CCL28: variants seen among roughly 807,000 people sequenced by gnomAD.
CCL28 encodes the protein C-C motif chemokine 28.
CCL28 carries 4 observed loss-of-function variants against 7.1 expected under a neutral mutation model. The observed-to-expected ratio is 0.56, with a 90% CI of 0.28 to 1.29. The LOEUF (loss-of-function observed/expected upper bound fraction) is 1.29, where lower values mean the gene tolerates loss of function less well. Ranked by LOEUF, CCL28 falls within the 50% of genes most tolerant of loss-of-function variation. The pLI is 0.11. For synonymous variants in CCL28, 55 were observed against 57.8 expected, an observed-to-expected ratio of 0.95 and a Z score of 0.22; for missense variants, 151 against 163.4, an observed-to-expected ratio of 0.92 and a Z score of 0.41.
intron 1 of CCL28, among the ~76,000 whole-genome samples, chr5:43,389,195 T>G (rs1441802130): frequency 6.6e-6 from 1 of 152,198 alleles, no homozygotes; most frequent in Admixed American, 6.5e-5. Flanking sequence ...TTTGGAGTGA[T>G]GAAAATGTGC....
chr5:43,401,945 A>G (rs1741055647), intron 1 of CCL28, among the ~76,000 whole-genome samples: 1 of 152,162 alleles, frequency 6.6e-6, no homozygotes, highest in South Asian at 2.1e-4. Context: ...TTCTCTCATC[A>G]GGTTCCTGTA....
In CCL28 at chr5:43,381,694, A is replaced by G; in HGVS notation, c.*166T>C. 4.9e-6 allele frequency: 3 copies of G among 606,268 alleles called. No homozygotes were observed. Among genetic ancestry groups the G allele is most frequent in the East Asian group, 2.8e-5 (1 of 36,010 alleles). The allele number at this position is 606,268 out of a possible 1,614,324, so 37.6% of individuals were successfully genotyped here. On this transcript the variant is annotated 3_prime_UTR_variant, in exon 3 of 3. Coordinates refer to ENST00000361115, the MANE Select transcript of CCL28 (RefSeq NM_148672.3). Reference sequence around the variant, plus strand: ...TTTTCATTTCATTTTCCAGTTGAGTATATTATTGGCTACATTTGCATACCG... The same window carrying G: ...TTTTCATTTCATTTTCCAGTTGAGTGTATTATTGGCTACATTTGCATACCG...
rs575580770 is a variant in CCL28 at position 43,409,938 on chromosome 5, C to A, written c.64+2315G>T. ...AGTGTGCCCTACCTTTGGGCAGAATCCAAGGCTTTTAATTATAGATAAAGT... is the reference window on the plus strand; with the variant it reads ...AGTGTGCCCTACCTTTGGGCAGAATACAAGGCTTTTAATTATAGATAAAGT... On this transcript the variant is annotated intron_variant, in intron 1 of 2. Coordinates refer to ENST00000361115, the MANE Select transcript of CCL28 (RefSeq NM_148672.3). 2.0e-5 allele frequency among the ~76,000 whole-genome samples: 3 copies of A among 152,178 alleles called. No individual in the cohort carries two copies. In the East Asian group the frequency reaches 5.8e-4, roughly 29 times the overall value.
At chr5:43,401,738 T>G (rs1206927680) in intron 1 of CCL28, among the ~76,000 whole-genome samples, 2 of 152,224 alleles carry the variant, frequency 1.3e-5, no homozygotes, top group Non-Finnish European at 2.9e-5. Context: ...AGGTGCCCAT[T>G]AAATGTTTGT....
the CCL28 span, among the ~76,000 whole-genome samples, chr5:43,365,065 C>T: frequency 2.9e-4 from 40 of 139,208 alleles, no homozygotes; most frequent in East Asian, 2.7e-3. Flanking sequence ...AGTACAGTGG[C>T]GTGATCTTGG....
At chr5:43,395,942 G>C (rs891050361) in intron 1 of CCL28, among the ~76,000 whole-genome samples, 2 of 137,786 alleles carry the variant, frequency 1.5e-5, no homozygotes, top group African/African-American at 5.5e-5. Context: ...CGAGATCTCT[G>C]CTCACTGCAA....
chr5:43,381,926 G>A lies in CCL28; in HGVS notation c.318C>T (p.Gly106=). ...GNVCHRKKHH[G]KRNSNRAHQG... ...GATGTGCCCTGTTACTGTTCCTCTT[G>A]CCATGGTGTTTCTTCCTGTGGCAAA... The change falls in exon 3 of 3, where the codon GGC becomes GGT. Residue 106 remains glycine (G), a synonymous_variant. Transcript: ENST00000361115. The A allele has an allele frequency of 1.9e-6, 3 of 1,614,012 alleles. No individual in the cohort carries two copies. Among genetic ancestry groups the A allele is most frequent in the East Asian group, 2.2e-5 (1 of 44,880 alleles).
At chr5:43,377,550 T>A, downstream of CCL28, 1 of 147,582 alleles carries the variant, frequency 6.8e-6, no homozygotes, top group Non-Finnish European at 1.5e-5. Context: ...TTAAAAAGAC[T>A]AATAAATGGA....
At chr5:43,368,759 G>C in the CCL28 span, among the ~76,000 whole-genome samples, 1 of 152,088 alleles carries the variant, frequency 6.6e-6, no homozygotes, top group Non-Finnish European at 1.5e-5. Context: ...GATGTGAAGG[G>C]ACACTGGGAG....
In CCL28 at chr5:43,380,960, A is replaced by T. The variant is rs1477772947; in HGVS notation, c.*900T>A. ...AAACTACATAAAATGCTCTCTAAATAGTTGGGAAAATTTGAATATGGAATA... is the reference window on the plus strand; with the variant it reads ...AAACTACATAAAATGCTCTCTAAATTGTTGGGAAAATTTGAATATGGAATA... On this transcript the variant is annotated 3_prime_UTR_variant, in exon 3 of 3. Coordinates refer to ENST00000361115, the MANE Select transcript of CCL28 (RefSeq NM_148672.3). The T allele has an allele frequency of 6.6e-6, 1 of 152,146 alleles. No individual in the cohort carries two copies. Among genetic ancestry groups the T allele is most frequent in the Non-Finnish European group, 1.5e-5 (1 of 68,020 alleles). The allele number at this position is 152,146 out of a possible 1,614,324, so 9.4% of individuals were successfully genotyped here.
the CCL28 span, among the ~76,000 whole-genome samples, chr5:43,361,064 A>T: frequency 6.6e-6 from 1 of 152,204 alleles, no homozygotes. Context: ...AAGTAAGAAC[A>T]TGCAGTGTTT....
downstream of CCL28, among the ~76,000 whole-genome samples, chr5:43,372,249 T>G (rs1008546362): frequency 1.3e-5 from 2 of 152,212 alleles, no homozygotes; most frequent in Non-Finnish European, 2.9e-5. Context: ...CATTTGTATC[T>G]GGTCTTGTTC....
In CCL28 at chr5:43,380,224, A is replaced by T. The variant is rs1250390032; in HGVS notation, c.*1636T>A. 1 of 152,140 alleles carries T rather than the reference A, an allele frequency of 6.6e-6. No individual in the cohort carries two copies. Among genetic ancestry groups the T allele is most frequent in the East Asian group, 1.9e-4 (1 of 5,194 alleles). The allele number at this position is 152,140 out of a possible 1,614,324, so 9.4% of individuals were successfully genotyped here. A position where few individuals can be genotyped will look rare whatever the true frequency, so the allele number is the denominator to read the frequency against. On this transcript the variant is annotated 3_prime_UTR_variant, in exon 3 of 3. Transcript: ENST00000361115. ...GGCAGAGCGTAAAATCACCACACAG[A>T]AGGCCGAACTCTGGGCCCCTAACTA...
At chr5:43,360,361 T>C in the CCL28 span, among the ~76,000 whole-genome samples, 2 of 152,160 alleles carry the variant, frequency 1.3e-5, no homozygotes, top group Non-Finnish European at 2.9e-5. Flanking sequence ...CAGATTATTT[T>C]GTCAGCCAGG....
chr5:43,358,681 CT>C, the CCL28 span, among the ~76,000 whole-genome samples: 5 of 152,306 alleles, frequency 3.3e-5, no homozygotes, highest in East Asian at 7.7e-4. Flanking sequence ...CTGAGCAACT[CT>C]TATGTCAAGC....
chr5:43,400,924 A>C (rs527697357), intron 1 of CCL28, among the ~76,000 whole-genome samples: 2 of 152,104 alleles, frequency 1.3e-5, no homozygotes, highest in South Asian at 4.1e-4. Flanking sequence ...TCTACTAAAA[A>C]TACAAAAAAT....
intron 1 of CCL28, among the ~76,000 whole-genome samples, chr5:43,408,389 A>G (rs1741388042): frequency 6.6e-6 from 1 of 152,212 alleles, no homozygotes; most frequent in South Asian, 2.1e-4. Context: ...TATTGCAAGG[A>G]CAGAAAACCA....
downstream of CCL28, among the ~76,000 whole-genome samples, chr5:43,376,183 A>G (rs1008020678): frequency 6.6e-6 from 1 of 152,252 alleles, no homozygotes; most frequent in Non-Finnish European, 1.5e-5. Context: ...TGTCTATACC[A>G]GGGCAGAAAA....
chr5:43,361,758 T>C, the CCL28 span, among the ~76,000 whole-genome samples: 1 of 152,178 alleles, frequency 6.6e-6, no homozygotes. Context: ...CCCTTCCTCA[T>C]TGCTTATTTT....
Sources: allele counts gnomAD v4.1 joint callset (sites outside exome capture counted in the v4.1 genomes callset), GRCh38; gene constraint gnomAD v4.1.1; transcripts MANE v1.5; gene names NCBI Gene and HGNC (gene_info 2026-07-23, HGNC 2026-07-21).